Variants in NAV2 observed in about 807,000 individuals in gnomAD.
The protein encoded by NAV2 is neuron navigator 2.
In NAV2, 54 loss-of-function variants were observed where a neutral mutation model predicts 223.2. The observed-to-expected ratio is 0.24, with a 90% confidence interval of 0.19 to 0.30. NAV2 has a LOEUF of 0.30. NAV2 is among the 10% of genes least tolerant of loss of function. The probability of loss-of-function intolerance (pLI) is 1.00; values close to 1 mark genes in which losing one functional copy is unlikely to be tolerated. For synonymous variants in NAV2, 1,279 were observed against 1,239.3 expected, an observed-to-expected ratio of 1.03 and a Z score of -0.67; for missense variants, 2,806 against 3,147.5, an observed-to-expected ratio of 0.89 and a Z score of 2.60.
At chr11:19,382,363 C>T (rs545428480) in intron 1 of NAV2, among the ~76,000 whole-genome samples, 4 of 152,194 alleles carry the variant, frequency 2.6e-5, no homozygotes, top group Non-Finnish European at 5.9e-5. Flanking sequence ...GAATTGTTGC[C>T]AGTGACCTTC....
chr11:20,097,706 C>A lies in NAV2; in HGVS notation c.6142C>A (p.Leu2048Met). Residue 2048 changes from leucine to methionine, a missense_variant, in exon 31 of 38, where the codon CTG becomes ATG. Coordinates refer to ENST00000349880, the MANE Select transcript of NAV2 (RefSeq NM_145117.5). ...ACCGGAGCTGCTTCCTTGTGGCTAT[C>A]TGGTTGGAGAGAACACGACCATCTC... ...ETPELLPCGY[L>M]VGENTTISVT... The A allele has an allele frequency of 6.2e-7, 1 of 1,610,646 alleles. No individual in the cohort carries two copies.
chr11:19,578,003 C>T (rs2045615782), intron 1 of NAV2, among the ~76,000 whole-genome samples: 1 of 152,200 alleles, frequency 6.6e-6, no homozygotes, highest in Non-Finnish European at 1.5e-5. Flanking sequence ...AGAAAGGATC[C>T]AGAGCATTTT....
At chr11:19,902,467 A>G (rs1342475570) in intron 6 of NAV2, among the ~76,000 whole-genome samples, 1 of 152,098 alleles carries the variant, frequency 6.6e-6, no homozygotes, top group East Asian at 2.0e-4. Flanking sequence ...TCTCTAAAAT[A>G]CAATAAACCT....
intron 1 of NAV2, among the ~76,000 whole-genome samples, chr11:19,403,682 G>A (rs117708098): frequency 2.6e-5 from 4 of 152,288 alleles, no homozygotes; most frequent in East Asian, 3.9e-4. Flanking sequence ...AGAACAAAAC[G>A]GGCAAAGTCC....
rs531248938 is a variant in NAV2 at position 19,563,829 on chromosome 11, A to G, written c.75+212802A>G. Among the ~76,000 whole-genome samples, 7 of 152,310 alleles carry G rather than the reference A, an allele frequency of 4.6e-5. No homozygotes were observed. The East Asian group carries it at 1.4e-3, about 29-fold the overall frequency. ...CAGACTCCTCCTGTAACATGAAGAG[A>G]ATAGTAATAACTACCTCACAGGGTT... On this transcript the variant is annotated intron_variant, in intron 1 of 37. Coordinates refer to the NAV2 transcript ENST00000360655.
At chr11:19,969,956 A>AT (rs1185804968) in intron 10 of NAV2, among the ~76,000 whole-genome samples, 2 of 151,836 alleles carry the variant, frequency 1.3e-5, no homozygotes, top group Non-Finnish European at 2.9e-5. Flanking sequence ...AAAAAAAAAA[A>AT]GAAAAAAAGA....
intron 10 of NAV2, among the ~76,000 whole-genome samples, chr11:19,958,395 G>A (rs1029076462): frequency 6.6e-6 from 1 of 152,236 alleles, no homozygotes; most frequent in Non-Finnish European, 1.5e-5. Flanking sequence ...ACAGGGCACT[G>A]TGTAGGTCAG....
At chr11:19,738,301 G>A (rs975572169) in intron 1 of NAV2, among the ~76,000 whole-genome samples, 13 of 152,228 alleles carry the variant, frequency 8.5e-5, no homozygotes, top group Admixed American at 6.5e-5. Context: ...CCCAGGCAGG[G>A]CAGGGGCCTC....
chr11:20,054,466 C>T lies in NAV2; in HGVS notation c.4642+226C>T, dbSNP rs894802406. 8.5e-5 allele frequency among the ~76,000 whole-genome samples: 13 copies of T among 152,122 alleles called. No individual in the cohort carries two copies. In the South Asian group the frequency reaches 1.5e-3, roughly 17 times the overall value. ...CACATCCCGCTCAGTGTCTGATTAGCCCTCGGCAATATAGATCGATTACAG... is the reference window on the plus strand; with the variant it reads ...CACATCCCGCTCAGTGTCTGATTAGTCCTCGGCAATATAGATCGATTACAG... On this transcript the variant is annotated intron_variant, in intron 18 of 37. Transcript: ENST00000349880.
chr11:19,476,898 C>T (rs2042132324), intron 1 of NAV2, among the ~76,000 whole-genome samples: 1 of 152,202 alleles, frequency 6.6e-6, no homozygotes, highest in Non-Finnish European at 1.5e-5. Context: ...CCAGCAGCCC[C>T]AGTTTCTACC....
At position 20,083,893 on chromosome 11, in the gene NAV2, G is replaced by A. The variant is rs12293338; in HGVS notation, c.5498+714G>A. ...ATTCTCAGGGGGCCAGGTCTGTGCCGCTGACCCTAAGTCCACTTAACCAGC... is the reference window on the plus strand; with the variant it reads ...ATTCTCAGGGGGCCAGGTCTGTGCCACTGACCCTAAGTCCACTTAACCAGC... On this transcript the variant is annotated intron_variant, in intron 26 of 37. Transcript: ENST00000349880. 4.8e-3 allele frequency among the ~76,000 whole-genome samples: 730 copies of A among 152,266 alleles called. 4 individuals carry two copies. Among genetic ancestry groups the A allele is most frequent in the African/African-American group, 0.011 (451 of 41,546 alleles).
At chr11:19,347,314 G>A (rs548246893), upstream of NAV2, among the ~76,000 whole-genome samples, 1 of 152,278 alleles carries the variant, frequency 6.6e-6, no homozygotes, top group South Asian at 2.1e-4. Context: ...ACTTCAGCGG[G>A]TCCCTCTGAA....
In NAV2 at chr11:19,944,800, G is replaced by A. The variant is rs181818654; in HGVS notation, c.2147-1601G>A. Among the ~76,000 whole-genome samples the A allele has an allele frequency of 3.0e-3, 398 of 132,172 alleles. 12 individuals are homozygous for A. In the South Asian group the frequency reaches 0.071, roughly 24 times the overall value. The allele number at this position is 132,172 out of a possible 152,430, so 86.7% of individuals were successfully genotyped here. Reference sequence around the variant, plus strand: ...TTCTTTCTTGGCTGGCTGGCTTTCTGTCTGTCTTTTCTTTCTTCCTTGCTT... The same window carrying A: ...TTCTTTCTTGGCTGGCTGGCTTTCTATCTGTCTTTTCTTTCTTCCTTGCTT... On this transcript the variant is annotated intron_variant, in intron 8 of 37. Transcript: ENST00000349880.
At chr11:19,402,652 A>G (rs1220420361) in intron 1 of NAV2, among the ~76,000 whole-genome samples, 1 of 152,218 alleles carries the variant, frequency 6.6e-6, no homozygotes, top group African/African-American at 2.4e-5. Context: ...CATAGCAGGC[A>G]ATCAATAGAC....
At chr11:19,413,497 C>T (rs577493915) in intron 1 of NAV2, among the ~76,000 whole-genome samples, 1 of 152,306 alleles carries the variant, frequency 6.6e-6, no homozygotes, top group Non-Finnish European at 1.5e-5. Flanking sequence ...TTGGTAAACA[C>T]TCTTCAGGAT....
intron 26 of NAV2, among the ~76,000 whole-genome samples, chr11:20,084,781 C>T (rs893793948): frequency 6.6e-6 from 1 of 152,150 alleles, no homozygotes; most frequent in Non-Finnish European, 1.5e-5. Flanking sequence ...TCAGTTGTCT[C>T]CTGACCAGGA....
At chr11:19,467,042 G>T (rs1049000840) in intron 1 of NAV2, among the ~76,000 whole-genome samples, 39 of 146,432 alleles carry the variant, frequency 2.7e-4, no homozygotes, top group South Asian at 4.2e-4. Context: ...GAGAGAGAGA[G>T]AGATAGATAG....
At chr11:19,931,301 G>C (rs1357083026) in intron 6 of NAV2, among the ~76,000 whole-genome samples, 3 of 152,144 alleles carry the variant, frequency 2.0e-5, no homozygotes, top group African/African-American at 7.2e-5. Context: ...AGTTTTGTTA[G>C]GGAGGATTGT....
chr11:19,413,566 T>C (rs1850235143), intron 1 of NAV2, among the ~76,000 whole-genome samples: 1 of 152,044 alleles, frequency 6.6e-6, no homozygotes, highest in Non-Finnish European at 1.5e-5. Flanking sequence ...ATTCAGGAAA[T>C]ACAGAGAACA....
Sources: gnomAD v4.1 joint callset for allele counts (sites outside exome capture counted in the v4.1 genomes callset) on GRCh38, gnomAD v4.1.1 for gene constraint, MANE v1.5 for transcripts, NCBI Gene and HGNC (gene_info 2026-07-23, HGNC 2026-07-21) for gene names.